KIAA0319L: variants seen among roughly 807,000 people sequenced by gnomAD.
KIAA0319L encodes KIAA0319 like.
In KIAA0319L, 55 loss-of-function variants were observed where a neutral mutation model predicts 120.1. That is an observed-to-expected ratio of 0.46 (90% confidence interval 0.37 to 0.57). The LOEUF is 0.57. KIAA0319L is among the 20% of genes least tolerant of loss of function. The pLI is 0.00. For synonymous variants in KIAA0319L, 398 were observed against 471.9 expected (o/e 0.84, Z 2.03); for missense variants, 1,049 against 1,255.3 (o/e 0.84, Z 2.48).
chr1:35,446,462 T>G (rs144339692), intron 16 of KIAA0319L, among the ~76,000 whole-genome samples: 172 of 152,358 alleles, frequency 1.1e-3, no homozygotes, highest in Non-Finnish European at 2.1e-3. Context: ...GGTGTTATAC[T>G]GACCATCTCT....
chr1:35,469,836 A>G (rs540324567), intron 6 of KIAA0319L, among the ~76,000 whole-genome samples: 1 of 152,182 alleles, frequency 6.6e-6, no homozygotes, highest in African/African-American at 2.4e-5. Context: ...TAGATGTAGA[A>G]TGAATGACTA....
intron 3 of KIAA0319L, among the ~76,000 whole-genome samples, chr1:35,505,363 C>T (rs1002872892): frequency 2.0e-5 from 3 of 152,116 alleles, no homozygotes; most frequent in Non-Finnish European, 2.9e-5. Flanking sequence ...TTAACCCCAC[C>T]CCAGTACAAT....
intron 2 of KIAA0319L, among the ~76,000 whole-genome samples, chr1:35,526,905 T>C (rs1646169927): frequency 6.6e-6 from 1 of 152,082 alleles, no homozygotes; most frequent in African/African-American, 2.4e-5. Context: ...AGCAAGATCC[T>C]GTCTCTGCAA....
intron 17 of KIAA0319L, 37 bp downstream of exon 17, chr1:35,444,124 G>A (rs755624576): frequency 6.4e-7 from 1 of 1,554,266 alleles, no homozygotes; most frequent in Non-Finnish European, 8.7e-7. Flanking sequence ...GCAGGCACTA[G>A]GTAGGCTCTT....
chr1:35,524,581 G>A (rs1269720828), intron 2 of KIAA0319L, among the ~76,000 whole-genome samples: 1 of 152,130 alleles, frequency 6.6e-6, no homozygotes, highest in Admixed American at 6.6e-5. Flanking sequence ...CTAAATTATT[G>A]CTAGAACTTA....
chr1:35,530,979 T>G (rs1360006113), intron 2 of KIAA0319L, among the ~76,000 whole-genome samples: 1 of 152,002 alleles, frequency 6.6e-6, no homozygotes, highest in Non-Finnish European at 1.5e-5. Flanking sequence ...GTCCTCAGGG[T>G]GCGTGAAAGT....
intron 3 of KIAA0319L, among the ~76,000 whole-genome samples, chr1:35,493,731 G>C (rs1005300626): frequency 2.6e-5 from 4 of 152,024 alleles, no homozygotes; most frequent in Non-Finnish European, 1.5e-5. Flanking sequence ...TGTAGTCCCA[G>C]CTAGTTGGGG....
At chr1:35,535,989 A>G (rs144286151) in intron 2 of KIAA0319L, among the ~76,000 whole-genome samples, 20 of 152,340 alleles carry the variant, frequency 1.3e-4, no homozygotes, top group African/African-American at 4.6e-4. Context: ...TTTCTATACT[A>G]ACAAAATCAA....
At chr1:35,494,220 A>G (rs930770194) in intron 3 of KIAA0319L, among the ~76,000 whole-genome samples, 1 of 152,074 alleles carries the variant, frequency 6.6e-6, no homozygotes, top group Admixed American at 6.6e-5. Flanking sequence ...AGGCCGAGAA[A>G]GGTGGATCAC....
intron 8 of KIAA0319L, among the ~76,000 whole-genome samples, chr1:35,461,994 A>C (rs956179669): frequency 9.2e-5 from 14 of 152,170 alleles, no homozygotes; most frequent in Admixed American, 9.2e-4. Flanking sequence ...AAAACAAAAC[A>C]AAACAAAACC....
intron 2 of KIAA0319L, among the ~76,000 whole-genome samples, chr1:35,515,711 T>C (rs1645652136): frequency 6.6e-6 from 1 of 151,766 alleles, no homozygotes; most frequent in Non-Finnish European, 1.5e-5. Context: ...AAATCGGAGC[T>C]GAATTGAAGG....
intron 16 of KIAA0319L, 96 bp downstream of exon 16, chr1:35,448,077 A>C (rs1570630977): frequency 2.5e-6 from 3 of 1,212,336 alleles, no homozygotes; most frequent in Non-Finnish European, 3.5e-6. Context: ...CAGAAAGCCC[A>C]CCTTTCTCTA....
chr1:35,507,952 A>G (rs1645267223), intron 2 of KIAA0319L, among the ~76,000 whole-genome samples: 1 of 152,232 alleles, frequency 6.6e-6, no homozygotes, highest in Admixed American at 6.5e-5. Context: ...TATTTCAGGT[A>G]TGGCATTGAT....
In KIAA0319L at chr1:35,456,076, A is replaced by G. The variant is rs1224777411; in HGVS notation, c.1593T>C (p.His531=). 6.2e-7 allele frequency: 1 copy of G among 1,613,910 alleles called. No individual in the cohort carries two copies. The highest frequency in any genetic ancestry group is 8.5e-7 in the Non-Finnish European group (1 of 1,180,010). The change falls in exon 10 of 21, where the codon CAT becomes CAC. Residue 531 remains histidine (H), a synonymous_variant. Coordinates refer to ENST00000325722, the MANE Select transcript of KIAA0319L (RefSeq NM_024874.5). The part of the protein sequence containing the change: ...TLFGNQSTDD[H]GITSYEWSLS... ...GTGACCACTCATAGCTGGTGATGCC[A>G]TGATCATCAGTGCTCTGGTTCCCAA...
chr1:35,516,256 A>G (rs936916429), intron 2 of KIAA0319L, among the ~76,000 whole-genome samples: 1 of 152,104 alleles, frequency 6.6e-6, no homozygotes, highest in Non-Finnish European at 1.5e-5. Context: ...AAGAAAGAAA[A>G]CTTCAGGCCA....
chr1:35,479,972 A>AC (rs397979865), intron 3 of KIAA0319L, among the ~76,000 whole-genome samples: 16 of 148,764 alleles, frequency 1.1e-4, no homozygotes, highest in Admixed American at 4.7e-4. Flanking sequence ...AAAAAAAAAA[A>AC]CACAAGCTAA....
intron 2 of KIAA0319L, among the ~76,000 whole-genome samples, chr1:35,513,129 G>A (rs1645525568): frequency 6.6e-6 from 1 of 150,756 alleles, no homozygotes; most frequent in South Asian, 2.1e-4. Flanking sequence ...GAAAAAGCTT[G>A]TCAACCTCTG....
At chr1:35,470,011 G>C (rs1375822992) in intron 6 of KIAA0319L, among the ~76,000 whole-genome samples, 3 of 151,956 alleles carry the variant, frequency 2.0e-5, no homozygotes, top group Non-Finnish European at 1.5e-5. Context: ...TGGGACTACA[G>C]GTATGAACCA....
chr1:35,469,808 T>C (rs577842888), intron 6 of KIAA0319L, among the ~76,000 whole-genome samples: 8 of 152,098 alleles, frequency 5.3e-5, no homozygotes, highest in Admixed American at 2.6e-4. Context: ...GCCTGCCACA[T>C]GACCAGTGTA....
Sources: gnomAD v4.1 joint callset for allele counts (sites outside exome capture counted in the v4.1 genomes callset) on GRCh38, gnomAD v4.1.1 for gene constraint, MANE v1.5 for transcripts, NCBI Gene and HGNC (gene_info 2026-07-23, HGNC 2026-07-21) for gene names.